Variants in CRPPA observed in about 807,000 individuals in gnomAD.
CRPPA encodes D-ribitol-5-phosphate cytidylyltransferase.
Under a neutral mutation model 52.0 loss-of-function variants are expected in CRPPA, and 43 were observed. The observed-to-expected ratio is 0.83, with a 90% CI of 0.65 to 1.07. The LOEUF (loss-of-function observed/expected upper bound fraction) is 1.07. Ranked by LOEUF, CRPPA falls within the 50% of genes least tolerant of loss-of-function variation. The pLI, the probability that CRPPA is intolerant of heterozygous loss-of-function variation, is 0.00. For synonymous variants in CRPPA, 250 were observed against 203.5 expected, an observed-to-expected ratio of 1.23 and a Z score of -1.94; for missense variants, 629 against 551.7, an observed-to-expected ratio of 1.14 and a Z score of -1.40.
At chr7:16,398,651 A>G (rs974925644) in intron 2 of CRPPA, among the ~76,000 whole-genome samples, 2 of 152,132 alleles carry the variant, frequency 1.3e-5, no homozygotes, top group Non-Finnish European at 1.5e-5. Flanking sequence ...AACATCACTG[A>G]AACATGGACA....
At position 16,417,261 on chromosome 7, in the gene CRPPA, A is replaced by G. The variant is rs1278705261; in HGVS notation, c.257+3805T>C. Among the ~76,000 whole-genome samples the G allele has an allele frequency of 2.6e-5, 4 of 152,242 alleles. No individual in the cohort carries two copies. In the East Asian group the frequency reaches 5.8e-4, roughly 22 times the overall value. On this transcript the variant is annotated intron_variant, in intron 1 of 9. Coordinates refer to ENST00000407010, the MANE Select transcript of CRPPA (RefSeq NM_001101426.4). ...GATTTCTCAAAGAACTTAAAACAGA[A>G]CTACCATTCAACCCAGCAATCTCAT...
intron 2 of CRPPA, among the ~76,000 whole-genome samples, chr7:16,388,769 G>C (rs541934712): frequency 2.0e-5 from 3 of 152,062 alleles, no homozygotes; most frequent in Non-Finnish European, 2.9e-5. Flanking sequence ...CCAGTTACTC[G>C]GGAGGGTGAG....
chr7:16,108,852 C>A (rs60525181), intron 9 of CRPPA, among the ~76,000 whole-genome samples: 5,272 of 151,728 alleles, frequency 0.035, 271 homozygotes, highest in East Asian at 0.26. Context: ...CAACATGCTA[C>A]TGAAAGACCA....
chr7:16,244,392 C>T (rs1783210111), intron 8 of CRPPA, among the ~76,000 whole-genome samples: 2 of 152,204 alleles, frequency 1.3e-5, no homozygotes, highest in Admixed American at 6.5e-5. Flanking sequence ...ACTATCCACT[C>T]ACTGCTTAAC....
At chr7:16,250,689 C>T (rs1326390529) in intron 8 of CRPPA, among the ~76,000 whole-genome samples, 1 of 152,146 alleles carries the variant, frequency 6.6e-6, no homozygotes, top group Non-Finnish European at 1.5e-5. Context: ...GAGTCTGTCA[C>T]CACCAGGCCT....
chr7:16,132,006 G>A (rs1185280519), intron 9 of CRPPA, among the ~76,000 whole-genome samples: 1 of 152,172 alleles, frequency 6.6e-6, no homozygotes, highest in African/African-American at 2.4e-5. Flanking sequence ...AAGAGGTACT[G>A]CAAACAGCTT....
At chr7:16,211,727 T>C (rs149169015) in intron 9 of CRPPA, among the ~76,000 whole-genome samples, 313 of 152,308 alleles carry the variant, frequency 2.1e-3, no homozygotes, top group African/African-American at 7.0e-3. Context: ...TGGTACCCTA[T>C]ACATTCAGAT....
At chr7:16,248,547 G>A (rs1206302247) in intron 8 of CRPPA, among the ~76,000 whole-genome samples, 2 of 152,126 alleles carry the variant, frequency 1.3e-5, no homozygotes, top group African/African-American at 4.8e-5. Flanking sequence ...TGAAAGGGGA[G>A]TACTCCAATG....
At chr7:16,311,590 G>T (rs533926390) in intron 3 of CRPPA, among the ~76,000 whole-genome samples, 6 of 151,970 alleles carry the variant, frequency 3.9e-5, no homozygotes, top group East Asian at 1.9e-4. Context: ...ATTTATGTTG[G>T]TTCCAGTTTT....
chr7:16,402,937 C>T (rs555420492), intron 2 of CRPPA, among the ~76,000 whole-genome samples: 1 of 152,046 alleles, frequency 6.6e-6, no homozygotes, highest in African/African-American at 2.4e-5. Context: ...TCATAAAGGA[C>T]AATAAATCCA....
chr7:16,380,507 A>C (rs1269102465), intron 2 of CRPPA, among the ~76,000 whole-genome samples: 2 of 152,124 alleles, frequency 1.3e-5, no homozygotes, highest in Non-Finnish European at 1.5e-5. Context: ...GGCCTCATAA[A>C]ATGAGTTAGG....
chr7:16,394,942 G>A (rs1285702218), intron 2 of CRPPA, among the ~76,000 whole-genome samples: 1 of 152,192 alleles, frequency 6.6e-6, no homozygotes, highest in Non-Finnish European at 1.5e-5. Context: ...TTCCACAGCT[G>A]TCTTTATGTA....
rs139599849 is a variant in CRPPA, at chr7:16,130,680, G to C, written c.1252-38881C>G. Among the ~76,000 whole-genome samples the C allele has an allele frequency of 5.1e-3, 778 of 152,256 alleles. 5 individuals carry two copies. The highest frequency in any genetic ancestry group is 0.018 in the African/African-American group (729 of 41,540). On this transcript the variant is annotated intron_variant, in intron 9 of 9. Coordinates refer to ENST00000407010, the MANE Select transcript of CRPPA (RefSeq NM_001101426.4). Reference sequence around the variant, plus strand: ...TTATGGCAAGTAATGAGTAATTAGTGTCTATATCCTATTTTTAAAATTAGG... The same window carrying C: ...TTATGGCAAGTAATGAGTAATTAGTCTCTATATCCTATTTTTAAAATTAGG...
intron 9 of CRPPA, among the ~76,000 whole-genome samples, chr7:16,126,190 G>A (rs1185103893): frequency 5.9e-5 from 9 of 152,042 alleles, no homozygotes; most frequent in Admixed American, 3.9e-4. Context: ...TATATTCTTA[G>A]CAGTCAATAG....
chr7:16,095,272 A>T (rs1010975688), intron 9 of CRPPA, among the ~76,000 whole-genome samples: 1 of 152,210 alleles, frequency 6.6e-6, no homozygotes, highest in Non-Finnish European at 1.5e-5. Context: ...ATATTCCTTT[A>T]ATAAACTATG....
intron 3 of CRPPA, among the ~76,000 whole-genome samples, chr7:16,335,154 CAAAAAAAAAAAAAA>C (rs60632334): frequency 0.041 from 3,842 of 94,170 alleles, 258 homozygotes; most frequent in African/African-American, 0.15. Context: ...CCCATCTCTA[CAAAAAAAAAAAAAA>C]AAAAAAAAAA....
intron 3 of CRPPA, among the ~76,000 whole-genome samples, chr7:16,334,197 T>G (rs1256086852): frequency 2.6e-5 from 4 of 152,270 alleles, no homozygotes; most frequent in Admixed American, 2.0e-4. Flanking sequence ...TCTGAAATCC[T>G]TAGGCAGCTT....
chr7:16,284,018 T>C (rs1225568080), intron 5 of CRPPA, among the ~76,000 whole-genome samples: 2 of 152,070 alleles, frequency 1.3e-5, no homozygotes, highest in Non-Finnish European at 2.9e-5. Context: ...GCACTTTGCA[T>C]ATGTGAAATG....
At chr7:16,281,393 G>C (rs1784318168) in intron 5 of CRPPA, among the ~76,000 whole-genome samples, 1 of 152,100 alleles carries the variant, frequency 6.6e-6, no homozygotes, top group South Asian at 2.1e-4. Context: ...CAGTAACCTT[G>C]CTACATTTAC....
Sources: allele counts gnomAD v4.1 joint callset (sites outside exome capture counted in the v4.1 genomes callset), GRCh38; gene constraint gnomAD v4.1.1; transcripts MANE v1.5; gene names NCBI Gene and HGNC (gene_info 2026-07-23, HGNC 2026-07-21).